The following KLHL1 variants were observed in gnomAD, a reference collection of about 807,000 sequenced individuals.
KLHL1 encodes the protein kelch like family member 1.
KLHL1 carries 47 observed loss-of-function variants against 77.7 expected under a neutral mutation model. That is an observed-to-expected ratio of 0.60 (90% confidence interval 0.48 to 0.77). The LOEUF (loss-of-function observed/expected upper bound fraction) is 0.77. KLHL1 is among the 30% of genes least tolerant of loss of function. The pLI is 0.00. For synonymous variants in KLHL1, 360 were observed against 325.2 expected (o/e 1.11, Z -1.15); for missense variants, 925 against 910.8 (o/e 1.02, Z -0.20).
intron 8 of KLHL1, among the ~76,000 whole-genome samples, chr13:69,730,431 G>A (rs1468627408): frequency 1.3e-5 from 2 of 152,096 alleles, no homozygotes; most frequent in African/African-American, 4.8e-5. Context: ...ATCTATTGCT[G>A]TCAATGTAAA....
Position 69,879,416 on chromosome 13 carries a change from T to C in KLHL1, c.1227+2867A>G, listed in dbSNP as rs572020538. On this transcript the variant is annotated intron_variant, in intron 5 of 10. Transcript: ENST00000377844. The stretch of plus-strand genomic sequence containing the variant: ...CATATTGTGTTTGAAATTCCACATA[T>C]TCTATCTTCTCTTGGTAGCAACACA... Among the ~76,000 whole-genome samples, 4 of 152,262 alleles carry C rather than the reference T, an allele frequency of 2.6e-5. No individual in the cohort carries two copies. The East Asian group carries it at 7.7e-4, about 29-fold the overall frequency.
intron 7 of KLHL1, among the ~76,000 whole-genome samples, chr13:69,742,854 A>G (rs777608998): frequency 1.2e-4 from 19 of 152,186 alleles, no homozygotes; most frequent in Non-Finnish European, 8.8e-5. Flanking sequence ...TGACATAGGA[A>G]ATGGGGATTA....
chr13:70,083,758 C>T (rs1332807312), intron 1 of KLHL1, among the ~76,000 whole-genome samples: 1 of 152,050 alleles, frequency 6.6e-6, no homozygotes, highest in Admixed American at 6.6e-5. Flanking sequence ...ATTGCACTAA[C>T]TACTCCACTT....
chr13:69,719,731 A>G lies in KLHL1; in HGVS notation c.1803-150T>C, dbSNP rs77338103. ...AGGGAGATTTTGTTAAAGATACTCA[A>G]TAAATGATCATATATACTAGAAATT... is the stretch of plus-strand genomic sequence containing the variant. On this transcript the variant is annotated intron_variant, in intron 8 of 10. Coordinates refer to ENST00000377844, the MANE Select transcript of KLHL1 (RefSeq NM_020866.3). The G allele has an allele frequency of 1.9e-3, 1,138 of 611,830 alleles. 20 individuals carry two copies. The Admixed American group carries it at 0.02, about 11-fold the overall frequency. The allele number at this position is 611,830 out of a possible 1,614,324, so 37.9% of individuals were successfully genotyped here.
intron 1 of KLHL1, among the ~76,000 whole-genome samples, chr13:69,996,910 A>ATTTTTTTT (rs10549532): frequency 0.02 from 1,435 of 71,208 alleles, 106 homozygotes; most frequent in Admixed American, 0.026. Flanking sequence ...TATTCATTAA[A>ATTTTTTTT]TTTTTTTTTT....
chr13:69,912,739 C>G (rs985346429), intron 4 of KLHL1, among the ~76,000 whole-genome samples: 2 of 152,078 alleles, frequency 1.3e-5, no homozygotes, highest in African/African-American at 4.8e-5. Context: ...CTCAACTCTG[C>G]TGGGATTTTC....
chr13:69,955,609 T>C lies in KLHL1; in HGVS notation c.817+5699A>G, dbSNP rs1412942518. Among the ~76,000 whole-genome samples, 3 of 151,184 alleles carry C rather than the reference T, an allele frequency of 2.0e-5. No individual in the cohort carries two copies. In the East Asian group the frequency reaches 5.8e-4, roughly 29 times the overall value. On this transcript the variant is annotated intron_variant, in intron 3 of 10. Transcript: ENST00000377844. ...TACACATCAATGAACACAGTGTATTTTCAAGTATGTCAGGATAGTAGAGAC... is the reference window on the plus strand; with the variant it reads ...TACACATCAATGAACACAGTGTATTCTCAAGTATGTCAGGATAGTAGAGAC...
intron 1 of KLHL1, among the ~76,000 whole-genome samples, chr13:70,077,956 C>G (rs535596371): frequency 6.6e-6 from 1 of 152,094 alleles, no homozygotes; most frequent in East Asian, 1.9e-4. Context: ...AATAAAAGGT[C>G]AAGTAAAATT....
chr13:70,027,059 G>C (rs920517040), intron 1 of KLHL1, among the ~76,000 whole-genome samples: 3 of 152,058 alleles, frequency 2.0e-5, no homozygotes, highest in Non-Finnish European at 2.9e-5. Flanking sequence ...TTTGAGTTTA[G>C]AGTGTAGTAA....
At chr13:70,009,802 ATCCATAGTAATAAACAAAAGACAAAT>A (rs1407320738) in intron 1 of KLHL1, among the ~76,000 whole-genome samples, 1 of 152,152 alleles carries the variant, frequency 6.6e-6, no homozygotes, top group East Asian at 1.9e-4. Flanking sequence ...GCCAATTTGG[ATCCATAGTAATAAACAAAAGACAAAT>A]TCCTATTCCC....
intron 1 of KLHL1, among the ~76,000 whole-genome samples, chr13:70,057,797 A>AT: frequency 6.7e-6 from 1 of 149,560 alleles, no homozygotes; most frequent in South Asian, 2.1e-4. Flanking sequence ...AAAAAAAAAA[A>AT]AAAAAAAAGA....
rs1163463322 is a variant in KLHL1 at position 69,903,641 on chromosome 13, T to C, written c.1015-21146A>G. Among the ~76,000 whole-genome samples the C allele has an allele frequency of 3.6e-4, 40 of 111,646 alleles. 1 individual carries two copies. Among genetic ancestry groups the C allele is most frequent in the African/African-American group, 1.4e-3 (39 of 28,138 alleles). The allele number at this position is 111,646 out of a possible 152,430, so 73.2% of individuals were successfully genotyped here. A position where few individuals can be genotyped will look rare whatever the true frequency, so the allele number is the denominator to read the frequency against. On this transcript the variant is annotated intron_variant, in intron 4 of 10. Transcript: ENST00000377844. Reference sequence around the variant, plus strand: ...CCCTTGTTCACATTCTTTTTTTTTTTTTTTTTTTTTTTTTTTTTTGAGATG... The same window carrying C: ...CCCTTGTTCACATTCTTTTTTTTTTCTTTTTTTTTTTTTTTTTTTGAGATG...
intron 4 of KLHL1, among the ~76,000 whole-genome samples, chr13:69,897,987 A>C (rs1286519979): frequency 1.3e-5 from 2 of 152,216 alleles, no homozygotes; most frequent in African/African-American, 4.8e-5. Flanking sequence ...CTCACCATGG[A>C]AAAAGTAGTC....
intron 1 of KLHL1, among the ~76,000 whole-genome samples, chr13:70,056,470 G>T (rs766548894): frequency 1.3e-5 from 2 of 152,056 alleles, no homozygotes; most frequent in Non-Finnish European, 2.9e-5. Flanking sequence ...AACTTAATCT[G>T]CATTATAGAC....
intron 7 of KLHL1, among the ~76,000 whole-genome samples, chr13:69,781,788 A>AATT (rs1180116919): frequency 6.6e-6 from 1 of 152,102 alleles, no homozygotes; most frequent in African/African-American, 2.4e-5. Context: ...ACTTTAGATT[A>AATT]ATTTTCTCAA....
chr13:69,903,285 C>T (rs562265175), intron 4 of KLHL1, among the ~76,000 whole-genome samples: 2 of 152,266 alleles, frequency 1.3e-5, no homozygotes, highest in Admixed American at 1.3e-4. Flanking sequence ...CCCCACTTGC[C>T]TTTTGAAAGA....
At chr13:69,978,738 T>C (rs1039608494) in intron 1 of KLHL1, among the ~76,000 whole-genome samples, 2 of 152,060 alleles carry the variant, frequency 1.3e-5, no homozygotes, top group East Asian at 3.9e-4. Context: ...CTGCCCGCCT[T>C]GGCCCCCCAA....
intron 3 of KLHL1, among the ~76,000 whole-genome samples, chr13:69,949,719 C>A (rs1371364766): frequency 6.6e-6 from 1 of 151,522 alleles, no homozygotes; most frequent in East Asian, 1.9e-4. Flanking sequence ...TTGGTGTATT[C>A]AATTATTTAT....
At chr13:69,929,916 TG>T (rs1375085195) in intron 4 of KLHL1, among the ~76,000 whole-genome samples, 1 of 151,892 alleles carries the variant, frequency 6.6e-6, no homozygotes, top group Non-Finnish European at 1.5e-5. Flanking sequence ...TTAATAATGT[TG>T]TCTGATATTG....
Sources: allele counts gnomAD v4.1 joint callset (sites outside exome capture counted in the v4.1 genomes callset), GRCh38; gene constraint gnomAD v4.1.1; transcripts MANE v1.5; gene names NCBI Gene and HGNC (gene_info 2026-07-23, HGNC 2026-07-21).